Variants in PGM5 observed in about 807,000 individuals in gnomAD.
PGM5 encodes the protein phosphoglucomutase 5, also known as phosphoglucomutase-like protein 5.
A neutral mutation model predicts 59.2 loss-of-function variants in PGM5; 23 were observed. That is an observed-to-expected ratio of 0.39 (90% CI 0.28 to 0.55). The LOEUF (loss-of-function observed/expected upper bound fraction) is 0.55, where lower values mean the gene tolerates loss of function less well. Among genes scored for constraint, PGM5 ranks in the 20% least tolerant of loss-of-function variants. The pLI is 0.66. For missense variants in PGM5, 574 were observed against 748.3 expected (o/e 0.77, Z 2.72); for synonymous variants, 214 against 286.0 (o/e 0.75, Z 2.54).
intron 6 of PGM5, among the ~76,000 whole-genome samples, chr9:68,395,371 G>A (rs530438483): frequency 6.6e-6 from 1 of 151,974 alleles, no homozygotes; most frequent in Non-Finnish European, 1.5e-5. Flanking sequence ...CTGAAATTAG[G>A]TGAGCTTCCC....
At chr9:68,517,588 C>T (rs1422630860) in intron 10 of PGM5, among the ~76,000 whole-genome samples, 1 of 152,172 alleles carries the variant, frequency 6.6e-6, no homozygotes, top group Admixed American at 6.5e-5. Context: ...TCTGGTGATG[C>T]TCAGCTGTCT....
At chr9:68,409,299 T>C in intron 6 of PGM5, among the ~76,000 whole-genome samples, 1 of 138,978 alleles carries the variant, frequency 7.2e-6, no homozygotes, top group African/African-American at 2.7e-5. Context: ...AGTTCAACCA[T>C]TGTGGAAGTC....
chr9:68,366,395 G>T (rs1180456330), intron 1 of PGM5, among the ~76,000 whole-genome samples: 2 of 152,268 alleles, frequency 1.3e-5, no homozygotes, highest in Non-Finnish European at 2.9e-5. Context: ...TGAAAAAGAT[G>T]TGAATGATAG....
intron 6 of PGM5, among the ~76,000 whole-genome samples, chr9:68,408,425 GT>G (rs1419293051): frequency 6.6e-6 from 1 of 152,092 alleles, no homozygotes. Context: ...GGGGTTGTTT[GT>G]TTTTTTCTTG....
chr9:68,487,549 A>G (rs1554687629), intron 9 of PGM5, among the ~76,000 whole-genome samples: 1 of 151,922 alleles, frequency 6.6e-6, no homozygotes, highest in Non-Finnish European at 1.5e-5. Flanking sequence ...TAGGGTTAGA[A>G]AACCCTCACC....
At chr9:68,447,156 G>A (rs559877793) in intron 6 of PGM5, among the ~76,000 whole-genome samples, 42 of 151,582 alleles carry the variant, frequency 2.8e-4, no homozygotes, top group African/African-American at 9.8e-4. Flanking sequence ...CTGGTGCCAA[G>A]CCGGAGGGAG....
intron 6 of PGM5, among the ~76,000 whole-genome samples, chr9:68,411,377 A>G (rs1563998354): frequency 6.8e-6 from 1 of 147,966 alleles, no homozygotes; most frequent in Admixed American, 6.6e-5. Context: ...TTTAAAAAGT[A>G]TATATAAATA....
At chr9:68,519,936 TA>T (rs1824875072) in intron 10 of PGM5, among the ~76,000 whole-genome samples, 2 of 146,622 alleles carry the variant, frequency 1.4e-5, no homozygotes, top group Non-Finnish European at 3.0e-5. Context: ...AATAAATAAA[TA>T]AAATTAGCCA....
chr9:68,408,908 G>A (rs1248770261), intron 6 of PGM5, among the ~76,000 whole-genome samples: 8 of 151,988 alleles, frequency 5.3e-5, no homozygotes, highest in Admixed American at 5.2e-4. Flanking sequence ...TTATTTCTGA[G>A]GGCTCTGTTC....
chr9:68,501,845 C>T (rs1481863329), intron 10 of PGM5, among the ~76,000 whole-genome samples: 1 of 152,196 alleles, frequency 6.6e-6, no homozygotes, highest in Non-Finnish European at 1.5e-5. Flanking sequence ...CTTTTCCAGA[C>T]ATTTTGAACA....
intron 6 of PGM5, among the ~76,000 whole-genome samples, chr9:68,424,155 G>T (rs1331650721): frequency 1.3e-5 from 2 of 152,190 alleles, no homozygotes; most frequent in African/African-American, 4.8e-5. Flanking sequence ...TGCTGAAAAA[G>T]CCTGAGATGT....
At chr9:68,517,532 AG>A (rs1824840911) in intron 10 of PGM5, among the ~76,000 whole-genome samples, 1 of 152,212 alleles carries the variant, frequency 6.6e-6, no homozygotes, top group East Asian at 1.9e-4. Flanking sequence ...ACAGGCAGTA[AG>A]TCCTAGATTG....
chr9:68,409,794 GCAGCCCAC>G (rs1201605988), intron 6 of PGM5, among the ~76,000 whole-genome samples: 1 of 142,856 alleles, frequency 7.0e-6, no homozygotes, highest in Non-Finnish European at 1.5e-5. Flanking sequence ...GTTAGTGGGT[GCAGCCCAC>G]CAGCATGGCA....
intron 6 of PGM5, chr9:68,428,961 A>G (rs1823295762): frequency 6.6e-6 from 1 of 152,170 alleles, no homozygotes; most frequent in Admixed American, 6.5e-5. Flanking sequence ...GTTACTTACT[A>G]GTTGGGTGAG....
chr9:68,393,575 G>A (rs1256331406), intron 6 of PGM5, among the ~76,000 whole-genome samples: 5 of 151,968 alleles, frequency 3.3e-5, no homozygotes, highest in African/African-American at 1.2e-4. Flanking sequence ...GCAAAACCCT[G>A]TCTCTACAAA....
At chr9:68,368,493 T>C (rs1834723425) in intron 1 of PGM5, among the ~76,000 whole-genome samples, 1 of 152,118 alleles carries the variant, frequency 6.6e-6, no homozygotes, top group South Asian at 2.1e-4. Flanking sequence ...GATGCAGACA[T>C]GTACCTGTCA....
At chr9:68,436,038 C>A (rs1823436778) in intron 6 of PGM5, among the ~76,000 whole-genome samples, 1 of 152,154 alleles carries the variant, frequency 6.6e-6, no homozygotes, top group Non-Finnish European at 1.5e-5. Flanking sequence ...AGTTACTGTG[C>A]CAGAAATGTC....
At chr9:68,502,526 A>C (rs1554688740) in intron 10 of PGM5, among the ~76,000 whole-genome samples, 2 of 152,194 alleles carry the variant, frequency 1.3e-5, no homozygotes, top group African/African-American at 4.8e-5. Context: ...GTTAAGGGCT[A>C]GGAAAATCAC....
chr9:68,491,468 G>A (rs189294571), intron 9 of PGM5, among the ~76,000 whole-genome samples: 4 of 152,310 alleles, frequency 2.6e-5, no homozygotes, highest in Admixed American at 1.3e-4. Context: ...TTCTCAATGG[G>A]ATGCTACGAT....
Sources: allele counts gnomAD v4.1 joint callset (sites outside exome capture counted in the v4.1 genomes callset), GRCh38; gene constraint gnomAD v4.1.1; transcripts MANE v1.5; gene names NCBI Gene and HGNC (gene_info 2026-07-23, HGNC 2026-07-21).